GOT1L1: variants seen among roughly 807,000 people sequenced by gnomAD.
The protein encoded by GOT1L1 is glutamic-oxaloacetic transaminase 1 like 1, also known as aspartate aminotransferase, cytoplasmic 2.
In GOT1L1, 38 loss-of-function variants were observed where a neutral mutation model predicts 43.6. The observed-to-expected ratio is 0.87, with a 90% CI of 0.67 to 1.14. GOT1L1 has a LOEUF of 1.14. GOT1L1 is among the 50% of genes most tolerant of loss of function. The probability of loss-of-function intolerance (pLI) is 0.00; values close to 1 mark genes in which losing one functional copy is unlikely to be tolerated. For synonymous variants in GOT1L1, 183 were observed against 187.2 expected, an observed-to-expected ratio of 0.98 and a Z score of 0.18; for missense variants, 482 against 504.0, an observed-to-expected ratio of 0.96 and a Z score of 0.42.
At chr8:37,937,218 G>T in intron 4 of GOT1L1, 59 bp downstream of exon 4, 1 of 1,268,134 alleles carries the variant, frequency 7.9e-7, no homozygotes, top group Non-Finnish European at 1.1e-6. Context: ...GTGGGGAGGA[G>T]AGGAACATTA....
chr8:37,936,761 A>T lies in GOT1L1; in HGVS notation c.722T>A (p.Phe241Tyr), dbSNP rs1470385715. ...CTTGGACAGAGACTGGCTGCAGAAG[A>T]ACTCAAAGCCTTGAGACACAAAGTA... Reference protein sequence around the residue: ...LQYFVSQGFEFFCSQSLSKNF... With the variant: ...LQYFVSQGFEYFCSQSLSKNF... Residue 241 changes from phenylalanine (F) to tyrosine (Y), a missense_variant, in exon 6 of 9, where the codon TTC becomes TAC. Phe to Tyr is a conservative substitution (Grantham distance 22, BLOSUM62 3). Transcript: ENST00000307599. The T allele has an allele frequency of 6.2e-7, 1 of 1,612,790 alleles. No individual in the cohort carries two copies. Among genetic ancestry groups the T allele is most frequent in the East Asian group, 2.2e-5 (1 of 44,820 alleles).
At chr8:37,937,107 G>A (rs780882806) in intron 4 of GOT1L1, 50 bp from the exon 5 acceptor site, 39 of 1,551,370 alleles carry the variant, frequency 2.5e-5, no homozygotes, top group East Asian at 1.1e-4. Flanking sequence ...CAGGAGTGGC[G>A]GCCCCAGGGC....
At chr8:37,938,550 G>T in intron 2 of GOT1L1, 150 bp downstream of exon 2, 1 of 637,368 alleles carries the variant, frequency 1.6e-6, no homozygotes, top group Non-Finnish European at 2.6e-6. Flanking sequence ...CTGACTCGAT[G>T]GCTAAGGACT....
chr8:37,935,122 C>T lies in GOT1L1; in HGVS notation c.1023G>A (p.Trp341Ter). Residue 341 changes from tryptophan (W) to a stop codon, truncating the protein, a stop_gained, in exon 8 of 9, where the codon TGG (tryptophan) becomes TGA (stop). Coordinates refer to ENST00000307599, the MANE Select transcript of GOT1L1 (RefSeq NM_152413.3). LOFTEE classifies it low-confidence loss of function (END_TRUNC). ...TCCCACTCTGCTCGGTGATGTGACC[C>T]CAGGACCCAGGGGTTCCCAGGAGCT... is the stretch of plus-strand genomic sequence containing the variant. ...KLQLLGTPGS[W>*]GHITEQSGTH... 1 of 1,613,748 alleles carries T rather than the reference C, an allele frequency of 6.2e-7. No individual in the cohort carries two copies. The highest frequency in any genetic ancestry group is 1.3e-5 in the African/African-American group (1 of 75,022).
At chr8:37,938,926 C>G (rs777747378) in intron 1 of GOT1L1, 45 bp from the exon 2 acceptor site, 3 of 1,585,436 alleles carry the variant, frequency 1.9e-6, no homozygotes, top group East Asian at 4.5e-5. Context: ...CTGGTTTGGG[C>G]CCCCAGGGCT....
chr8:37,938,776 A>G lies in GOT1L1; in HGVS notation c.221T>C (p.Met74Thr), dbSNP rs1807834109. ...PSLNYEYLPTMGLKSFIQASL... is the reference protein window; with the variant it reads ...PSLNYEYLPTTGLKSFIQASL... ...GGCCTGGATGAATGATTTCAGGCCC[A>G]TGGTGGGCAAGTACTCATAATTCAG... Residue 74 changes from methionine (M) to threonine (T), a missense_variant, in exon 2 of 9, where the codon ATG becomes ACG. Coordinates refer to ENST00000307599, the MANE Select transcript of GOT1L1 (RefSeq NM_152413.3). 1 of 1,612,444 alleles carries G rather than the reference A, an allele frequency of 6.2e-7. No homozygotes were observed. The highest frequency in any genetic ancestry group is 8.5e-7 in the Non-Finnish European group (1 of 1,179,272).
In GOT1L1 at chr8:37,937,622, C is replaced by T; in HGVS notation, c.409+16G>A. On this transcript the variant is annotated intron_variant, in intron 3 of 8. Coordinates refer to ENST00000307599, the MANE Select transcript of GOT1L1 (RefSeq NM_152413.3). ...GGACGGGGATTGCTGTTCCCCTCAT[C>T]TTGGGTAAGACTAACCTTTTTGAGA... The T allele has an allele frequency of 1.3e-6, 2 of 1,548,254 alleles. No individual in the cohort carries two copies. Among genetic ancestry groups the T allele is most frequent in the Non-Finnish European group, 8.9e-7 (1 of 1,128,364 alleles).
At chr8:37,937,610 T>A in intron 3 of GOT1L1, 28 bp downstream of exon 3, 1 of 1,431,706 alleles carries the variant, frequency 7.0e-7, no homozygotes, top group East Asian at 2.4e-5. Flanking sequence ...CGGGGATTGC[T>A]GTTCCCCTCA....
chr8:37,939,428 AAAAATATATATATATATATATATATAT>A (rs1338480838), intron 1 of GOT1L1, among the ~76,000 whole-genome samples: 7 of 55,262 alleles, frequency 1.3e-4, no homozygotes, highest in South Asian at 2.0e-3. Context: ...AAAAAAAAAA[AAAAATATATATATATATATATATATAT>A]ATATATATAT....
At chr8:37,939,432 ATATATATATATATATATATATATATATAT>A (rs1293923944) in intron 1 of GOT1L1, among the ~76,000 whole-genome samples, 3 of 65,504 alleles carry the variant, frequency 4.6e-5, no homozygotes, top group Non-Finnish European at 8.8e-5. Flanking sequence ...AAAAAAAAAA[ATATATATATATATATATATATATATATAT>A]ATATATATAT....
chr8:37,937,073 G>A lies in GOT1L1; in HGVS notation c.520-16C>T, dbSNP rs1807780298. 1.2e-6 allele frequency: 2 copies of A among 1,610,554 alleles called. No individual in the cohort carries two copies. Among genetic ancestry groups the A allele is most frequent in the African/African-American group, 2.7e-5 (2 of 74,974 alleles). ...GTGGGATCTGCTGCAGGTACAGACG[G>A]TCTCATCAGGCTTCACCCCCACCCA... On this transcript the variant is annotated splice_polypyrimidine_tract_variant and intron_variant, in intron 4 of 8. Transcript: ENST00000307599.
chr8:37,939,581 G>T (rs967209636), intron 1 of GOT1L1, among the ~76,000 whole-genome samples: 4 of 150,998 alleles, frequency 2.6e-5, no homozygotes, highest in Non-Finnish European at 5.9e-5. Flanking sequence ...AACCATTCTT[G>T]GTTCAAGAAC....
chr8:37,937,147 G>A lies in GOT1L1; in HGVS notation c.520-90C>T, dbSNP rs549505760. 5.9e-6 allele frequency: 8 copies of A among 1,362,120 alleles called. 1 individual carries two copies. In the African/African-American group the frequency reaches 1.1e-4, roughly 19 times the overall value. The allele number at this position is 1,362,120 out of a possible 1,614,324, so 84.4% of individuals were successfully genotyped here. On this transcript the variant is annotated intron_variant, in intron 4 of 8. Coordinates refer to ENST00000307599, the MANE Select transcript of GOT1L1 (RefSeq NM_152413.3). ...GGGGGTGAAGTGCTCCTCCATGTTA[G>A]TTACCATTGAAGGGCCAGGCAAATT...
intron 4 of GOT1L1, 88 bp downstream of exon 4, chr8:37,937,189 C>A: frequency 1.7e-6 from 2 of 1,210,084 alleles, no homozygotes; most frequent in South Asian, 1.3e-5. Flanking sequence ...TGGAAAAGGT[C>A]TTGGATGACT....
chr8:37,935,614 G>A (rs2130260663), intron 7 of GOT1L1, 90 bp downstream of exon 7: 1 of 1,216,156 alleles, frequency 8.2e-7, no homozygotes, highest in South Asian at 1.7e-5. Flanking sequence ...ATGGGCAGGA[G>A]AGAAGCACCC....
chr8:37,939,802 C>T, intron 1 of GOT1L1, 113 bp downstream of exon 1: 1 of 1,019,574 alleles, frequency 9.8e-7, no homozygotes. Flanking sequence ...GAAAAGATCT[C>T]TCCACCCACA....
At chr8:37,939,140 A>G in intron 1 of GOT1L1, 3 of 383,030 alleles carry the variant, frequency 7.8e-6, no homozygotes, top group South Asian at 4.4e-5. Flanking sequence ...CAAGCCCAGG[A>G]TTGGTGGCTC....
In GOT1L1 at chr8:37,935,795, C is replaced by G; in HGVS notation, c.838G>C (p.Gly280Arg). The part of the protein sequence containing the change: ...QLLCVLSQLE[G>R]LAQALWLNPP... ...TTTAGCCACAGGGCCTGGGCTAATC[C>G]TTCCAGCTGGGAGAGGACACACAGC... Residue 280 changes from glycine (G) to arginine (R), a missense_variant, in exon 7 of 9, where the codon GGA becomes CGA. Physicochemically the swap from Gly to Arg is moderately radical, Grantham distance 125 (BLOSUM62 -2). Coordinates refer to ENST00000307599, the MANE Select transcript of GOT1L1 (RefSeq NM_152413.3). 6.2e-7 allele frequency: 1 copy of G among 1,613,142 alleles called. No individual in the cohort carries two copies. The highest frequency in any genetic ancestry group is 1.1e-5 in the South Asian group (1 of 90,870).
In GOT1L1 at chr8:37,935,817, C is replaced by T. The variant is rs557190061; in HGVS notation, c.816G>A (p.Leu272=). The change falls in exon 7 of 9, where the codon CTG becomes CTA. Residue 272 remains leucine, a synonymous_variant. Coordinates refer to ENST00000307599, the MANE Select transcript of GOT1L1 (RefSeq NM_152413.3). ...VVVAVNNQQL[L]CVLSQLEGLA... ...ATCCTTCCAGCTGGGAGAGGACACACAGCAGCTGCTGGTTGTTGACTGCCA... is the reference window on the plus strand; with the variant it reads ...ATCCTTCCAGCTGGGAGAGGACACATAGCAGCTGCTGGTTGTTGACTGCCA... 4 of 1,613,142 alleles carry T rather than the reference C, an allele frequency of 2.5e-6. No homozygotes were observed. Among genetic ancestry groups the T allele is most frequent in the African/African-American group, 1.3e-5 (1 of 75,030 alleles).
Sources: gnomAD v4.1 joint callset for allele counts (sites outside exome capture counted in the v4.1 genomes callset) on GRCh38, gnomAD v4.1.1 for gene constraint, MANE v1.5 for transcripts, NCBI Gene and HGNC (gene_info 2026-07-23, HGNC 2026-07-21) for gene names.